WDR33: variants seen among roughly 807,000 people sequenced by gnomAD.
WDR33 encodes pre-mRNA 3' end processing protein WDR33.
WDR33 carries 47 observed loss-of-function variants against 164.9 expected under a neutral mutation model. That is an observed-to-expected ratio of 0.29 (90% confidence interval 0.23 to 0.36). The LOEUF is 0.36. Ranked by LOEUF, WDR33 falls within the 10% of genes least tolerant of loss-of-function variation. The pLI, the probability that WDR33 is intolerant of heterozygous loss-of-function variation, is 1.00. For missense variants in WDR33, 1,137 were observed against 1,754.1 expected (o/e 0.65, Z 6.28); for synonymous variants, 505 against 589.0 (o/e 0.86, Z 2.06).
At position 127,709,101 on chromosome 2, in the gene WDR33, T is replaced by C. The variant is rs567018810; in HGVS notation, c.3566-209A>G. 6.6e-6 allele frequency among the ~76,000 whole-genome samples: 1 copy of C among 152,276 alleles called. No homozygotes were observed. Among genetic ancestry groups the C allele is most frequent in the East Asian group, 1.9e-4 (1 of 5,184 alleles). On this transcript the variant is annotated intron_variant, in intron 20 of 21. Transcript: ENST00000322313. The surrounding 1 kb of genome is among the most constrained non-coding windows in gnomAD (Gnocchi z 5.0). ...GATCCAGAGAACTCGTTCTCAGGCA[T>C]TGTAGTATCAAGACGTCTTTACAGT...
chr2:127,760,826 A>G (rs1189567040), intron 7 of WDR33, among the ~76,000 whole-genome samples: 1 of 152,204 alleles, frequency 6.6e-6, no homozygotes, highest in Non-Finnish European at 1.5e-5. Context: ...GTAAACCCTA[A>G]AAGTACCTGA....
chr2:127,804,489 A>G (rs6724397), intron 1 of WDR33, among the ~76,000 whole-genome samples: 5,601 of 151,884 alleles, frequency 0.037, 238 homozygotes, highest in South Asian at 0.17. Flanking sequence ...GTTCTTGAGC[A>G]GAGAAGTGCG....
intron 7 of WDR33, among the ~76,000 whole-genome samples, chr2:127,755,013 A>G (rs1326785902): frequency 6.6e-6 from 1 of 152,170 alleles, no homozygotes; most frequent in Non-Finnish European, 1.5e-5. Flanking sequence ...TAAGTATTCT[A>G]TTAAGTGGGG....
In WDR33 at chr2:127,709,693, C is replaced by A; in HGVS notation, c.3472G>T (p.Gly1158Ter). Reference sequence around the variant, plus strand: ...CAGGTGTCTTTAGTAACTCGCTCACCTCGTGGGGTACCCCGACCTCGACCT... The same window carrying A: ...CAGGTGTCTTTAGTAACTCGCTCACATCGTGGGGTACCCCGACCTCGACCT... ...LRGRGRGTPR[G>*]GRKGLLPTPD... The change falls in exon 19 of 22, where the codon GGA becomes TGA. Residue 1158 changes from glycine (G) to a stop codon, truncating the protein, a stop_gained and splice_region_variant. Transcript: ENST00000322313. LOFTEE classifies it high-confidence loss of function. The surrounding 1 kb of genome is among the most constrained non-coding windows in gnomAD (Gnocchi z 5.0). 6.2e-7 allele frequency: 1 copy of A among 1,614,246 alleles called. No individual in the cohort carries two copies. The highest frequency in any genetic ancestry group is 8.5e-7 in the Non-Finnish European group (1 of 1,180,028).
chr2:127,777,660 G>A (rs1688229914), intron 1 of WDR33, among the ~76,000 whole-genome samples: 1 of 152,196 alleles, frequency 6.6e-6, no homozygotes, highest in South Asian at 2.1e-4. Context: ...GGGTCTTGCT[G>A]TGTTGCTCAG....
intron 7 of WDR33, chr2:127,762,583 G>A (rs960893599): frequency 2.2e-5 from 22 of 985,624 alleles, no homozygotes; most frequent in African/African-American, 1.2e-4. Context: ...GTAACAAGCC[G>A]GCCATGTAGT....
Sources: allele counts gnomAD v4.1 joint callset (sites outside exome capture counted in the v4.1 genomes callset), GRCh38; gene constraint gnomAD v4.1.1; non-coding constraint Gnocchi (gnomAD v3.1); transcripts MANE v1.5; gene names NCBI Gene and HGNC (gene_info 2026-07-23, HGNC 2026-07-21).